Variants in DNAJC1 observed in about 807,000 individuals in gnomAD.
DNAJC1 encodes DnaJ heat shock protein family (Hsp40) member C1.
In DNAJC1, 58 loss-of-function variants were observed where a neutral mutation model predicts 76.6. That is an observed-to-expected ratio of 0.76 (90% CI 0.61 to 0.94). The LOEUF is 0.94. Among genes scored for constraint, DNAJC1 ranks in the 40% least tolerant of loss-of-function variants. DNAJC1 has a pLI of 0.00. For missense variants in DNAJC1, 689 were observed against 677.3 expected (o/e 1.02, Z -0.19); for synonymous variants, 258 against 267.9 (o/e 0.96, Z 0.36).
chr10:21,982,718 A>G (rs557283573), intron 1 of DNAJC1, among the ~76,000 whole-genome samples: 1 of 120,766 alleles, frequency 8.3e-6, no homozygotes, highest in South Asian at 2.4e-4. Flanking sequence ...TAGCTATCAT[A>G]AAAAAAAAAA....
intron 8 of DNAJC1, among the ~76,000 whole-genome samples, chr10:21,830,959 C>T (rs1448987470): frequency 1.3e-5 from 2 of 152,096 alleles, no homozygotes; most frequent in Non-Finnish European, 1.5e-5. Flanking sequence ...TCTCTTTAAT[C>T]ATTATAGAAA....
At chr10:21,770,262 C>G (rs1834356864) in intron 9 of DNAJC1, among the ~76,000 whole-genome samples, 1 of 152,124 alleles carries the variant, frequency 6.6e-6, no homozygotes, top group Admixed American at 6.5e-5. Context: ...ATGACTGATG[C>G]TGAGCATTTT....
At chr10:21,916,840 A>G in intron 6 of DNAJC1, among the ~76,000 whole-genome samples, 1 of 152,252 alleles carries the variant, frequency 6.6e-6, no homozygotes, top group African/African-American at 2.4e-5. Context: ...AAAGTATTAT[A>G]ATATATATTT....
chr10:21,918,937 G>T, intron 5 of DNAJC1, 65 bp from the exon 6 acceptor site: 2 of 1,130,270 alleles, frequency 1.8e-6, no homozygotes, highest in Non-Finnish European at 2.7e-6. Context: ...AAGTTGGGAG[G>T]CAAAATAATT....
chr10:21,873,781 T>A (rs1836142862), intron 8 of DNAJC1, among the ~76,000 whole-genome samples: 1 of 152,222 alleles, frequency 6.6e-6, no homozygotes, highest in East Asian at 1.9e-4. Context: ...AAAAGACAAC[T>A]GCATAAAGCA....
At chr10:21,910,624 A>G (rs1836839456) in intron 6 of DNAJC1, among the ~76,000 whole-genome samples, 1 of 152,028 alleles carries the variant, frequency 6.6e-6, no homozygotes, top group Admixed American at 6.6e-5. Context: ...GAATACGTGG[A>G]CACAAGAAGG....
At chr10:21,792,978 A>C (rs1197273142) in intron 9 of DNAJC1, among the ~76,000 whole-genome samples, 2 of 152,198 alleles carry the variant, frequency 1.3e-5, no homozygotes, top group Non-Finnish European at 2.9e-5. Context: ...AAAAATGCTC[A>C]AGCTAGAAAT....
rs1023707468 is a variant in DNAJC1, at chr10:21,958,513, C to T, written c.223-29372G>A. Among the ~76,000 whole-genome samples the T allele has an allele frequency of 6.6e-5, 10 of 152,020 alleles. No homozygotes were observed. The East Asian group carries it at 1.2e-3, about 18-fold the overall frequency. On this transcript the variant is annotated intron_variant, in intron 1 of 11. Coordinates refer to ENST00000376980, the MANE Select transcript of DNAJC1 (RefSeq NM_022365.4). ...GCGCGATCTCGGTCACTGCAACCTCCGCCTCCTGGGCTCAAGCGATTCTCC... is the reference window on the plus strand; with the variant it reads ...GCGCGATCTCGGTCACTGCAACCTCTGCCTCCTGGGCTCAAGCGATTCTCC...
chr10:21,796,130 CA>C (rs1186308043), intron 9 of DNAJC1, among the ~76,000 whole-genome samples: 1 of 151,920 alleles, frequency 6.6e-6, no homozygotes, highest in South Asian at 2.1e-4. Flanking sequence ...CCACCATACC[CA>C]GCTAATTTTT....
chr10:21,777,291 T>C (rs539854842), intron 9 of DNAJC1, among the ~76,000 whole-genome samples: 5 of 152,258 alleles, frequency 3.3e-5, no homozygotes, highest in Non-Finnish European at 2.9e-5. Flanking sequence ...GAACACCTAA[T>C]AGGATCCAAA....
intron 6 of DNAJC1, among the ~76,000 whole-genome samples, chr10:21,910,212 T>C (rs971366803): frequency 2.6e-5 from 4 of 151,586 alleles, no homozygotes; most frequent in African/African-American, 9.7e-5. Context: ...ACCTTCTGGG[T>C]TCAAGCGATT....
intron 10 of DNAJC1, among the ~76,000 whole-genome samples, chr10:21,763,478 T>C (rs539761593): frequency 6.6e-6 from 1 of 152,144 alleles, no homozygotes; most frequent in East Asian, 1.9e-4. Context: ...TTATTCCCTC[T>C]GTGGAAGGGG....
intron 1 of DNAJC1, among the ~76,000 whole-genome samples, chr10:21,943,157 G>A (rs186844959): frequency 1.1e-4 from 16 of 151,982 alleles, no homozygotes; most frequent in Admixed American, 2.0e-4. Flanking sequence ...AATGCATGCA[G>A]CTAACAAGAC....
At chr10:21,905,042 T>A (rs1456605282) in intron 6 of DNAJC1, among the ~76,000 whole-genome samples, 1 of 152,068 alleles carries the variant, frequency 6.6e-6, no homozygotes, top group Non-Finnish European at 1.5e-5. Flanking sequence ...AAAATTATCT[T>A]CAAATCTGAT....
intron 1 of DNAJC1, among the ~76,000 whole-genome samples, chr10:21,968,727 G>T (rs1412266864): frequency 2.0e-5 from 3 of 151,980 alleles, no homozygotes; most frequent in Non-Finnish European, 4.4e-5. Flanking sequence ...AGCCAGGATG[G>T]TCTCAATCTC....
intron 9 of DNAJC1, among the ~76,000 whole-genome samples, chr10:21,778,054 T>C (rs1302846903): frequency 6.6e-6 from 1 of 152,154 alleles, no homozygotes; most frequent in Admixed American, 6.5e-5. Context: ...CTGGGTGTGG[T>C]AGCGCACACT....
At chr10:21,758,554 C>T (rs752119994) in intron 11 of DNAJC1, among the ~76,000 whole-genome samples, 6 of 152,226 alleles carry the variant, frequency 3.9e-5, no homozygotes, top group Admixed American at 6.5e-5. Flanking sequence ...CAAACGGCCA[C>T]GGCCGTGGAA....
intron 8 of DNAJC1, among the ~76,000 whole-genome samples, chr10:21,828,918 T>A (rs1564799978): frequency 1.3e-5 from 2 of 152,244 alleles, no homozygotes; most frequent in Non-Finnish European, 2.9e-5. Flanking sequence ...AGGCAGGTTA[T>A]CTGCTCCTTG....
chr10:21,785,663 T>C (rs888625076), intron 9 of DNAJC1: 6 of 152,338 alleles, frequency 3.9e-5, no homozygotes, highest in South Asian at 4.2e-4. Flanking sequence ...CTCCCTGCCC[T>C]CCTGGGCCTA....
Sources: gnomAD v4.1 joint callset for allele counts (sites outside exome capture counted in the v4.1 genomes callset) on GRCh38, gnomAD v4.1.1 for gene constraint, MANE v1.5 for transcripts, NCBI Gene and HGNC (gene_info 2026-07-23, HGNC 2026-07-21) for gene names.